Variants in CCDC7 observed in about 807,000 individuals in gnomAD.
CCDC7 encodes the protein coiled-coil domain-containing protein 7.
Under a neutral mutation model 196.9 loss-of-function variants are expected in CCDC7, and 183 were observed. That is an observed-to-expected ratio of 0.93 (90% confidence interval 0.82 to 1.05). The LOEUF (loss-of-function observed/expected upper bound fraction) is 1.05, where lower values mean the gene tolerates loss of function less well. CCDC7 is among the 50% of genes least tolerant of loss of function. The pLI is 0.00. For missense variants in CCDC7, 1,540 were observed against 1,482.2 expected (o/e 1.04, Z -0.64); for synonymous variants, 525 against 484.6 (o/e 1.08, Z -1.10).
At chr10:32,774,780 G>A (rs1375300649) in intron 28 of CCDC7, among the ~76,000 whole-genome samples, 9 of 152,118 alleles carry the variant, frequency 5.9e-5, no homozygotes, top group Non-Finnish European at 2.9e-5. Context: ...TCTCATGCTG[G>A]TTGGATTATT....
intron 25 of CCDC7, among the ~76,000 whole-genome samples, chr10:32,713,180 C>G (rs960903899): frequency 1.3e-5 from 2 of 152,142 alleles, no homozygotes; most frequent in African/African-American, 4.8e-5. Flanking sequence ...TTTATAGTGG[C>G]CCAAAGGGAT....
intron 29 of CCDC7, among the ~76,000 whole-genome samples, chr10:32,794,660 ATCTC>A (rs1361069592): frequency 6.6e-6 from 1 of 152,020 alleles, no homozygotes; most frequent in Non-Finnish European, 1.5e-5. Context: ...TTTGATTTGT[ATCTC>A]TCTAATATTA....
chr10:32,567,990 A>G, intron 15 of CCDC7, 99 bp downstream of exon 16: 1 of 1,163,000 alleles, frequency 8.6e-7, no homozygotes, highest in South Asian at 2.1e-5. Flanking sequence ...TTAAAAATTC[A>G]TGCCTCTGTT....
At chr10:32,751,166 A>G (rs185783176) in intron 28 of CCDC7, among the ~76,000 whole-genome samples, 44 of 151,974 alleles carry the variant, frequency 2.9e-4, no homozygotes, top group African/African-American at 1.0e-3. Flanking sequence ...TATTGTTATG[A>G]AAGCTGATAC....
intron 28 of CCDC7, among the ~76,000 whole-genome samples, chr10:32,734,315 A>G (rs1287979545): frequency 1.3e-5 from 2 of 152,206 alleles, no homozygotes; most frequent in African/African-American, 4.8e-5. Context: ...GCTGGAGGCC[A>G]TTATACTTAG....
At chr10:32,573,243 T>C (rs574207953) in intron 16 of CCDC7, among the ~76,000 whole-genome samples, 129 of 152,308 alleles carry the variant, frequency 8.5e-4, no homozygotes, top group Middle Eastern at 3.4e-3. Flanking sequence ...TTCCATGCAA[T>C]CATGGTGACG....
At chr10:32,627,003 C>A (rs1349335289) in intron 18 of CCDC7, among the ~76,000 whole-genome samples, 1 of 144,994 alleles carries the variant, frequency 6.9e-6, no homozygotes, top group African/African-American at 2.5e-5. Flanking sequence ...CAGCATTGTT[C>A]TTTTTGTTCA....
chr10:32,641,286 C>T (rs944713257), intron 20 of CCDC7, among the ~76,000 whole-genome samples: 1 of 152,236 alleles, frequency 6.6e-6, no homozygotes, highest in Non-Finnish European at 1.5e-5. Flanking sequence ...CTTTCAGATA[C>T]ACCAATCAGA....
At chr10:32,566,273 A>G (rs971357630) in intron 14 of CCDC7, among the ~76,000 whole-genome samples, 3 of 152,174 alleles carry the variant, frequency 2.0e-5, no homozygotes, top group Non-Finnish European at 4.4e-5. Context: ...GATATTTGTT[A>G]TGTCTTTCTG....
intron 18 of CCDC7, among the ~76,000 whole-genome samples, chr10:32,593,092 T>C (rs1246384702): frequency 6.6e-6 from 1 of 152,248 alleles, no homozygotes; most frequent in African/African-American, 2.4e-5. Context: ...TCAAATGGTA[T>C]TTCTAGTTCT....
intron 13 of CCDC7, among the ~76,000 whole-genome samples, chr10:32,546,980 TTCC>T (rs1175602585): frequency 2.0e-5 from 3 of 151,892 alleles, no homozygotes; most frequent in Non-Finnish European, 4.4e-5. Context: ...CATAGCACCT[TTCC>T]TCCTCCTCCT....
intron 14 of CCDC7, among the ~76,000 whole-genome samples, chr10:32,566,226 G>T (rs1033604113): frequency 1.3e-5 from 2 of 152,060 alleles, no homozygotes; most frequent in Non-Finnish European, 2.9e-5. Context: ...AGTATGAATT[G>T]ATATATTCAT....
chr10:32,640,108 G>C (rs1446654560), intron 20 of CCDC7, among the ~76,000 whole-genome samples: 6 of 152,104 alleles, frequency 3.9e-5, no homozygotes, highest in African/African-American at 1.4e-4. Context: ...TTAACTTTCT[G>C]TCTCGTCGAT....
chr10:32,569,249 C>T (rs1189938886), intron 15 of CCDC7, among the ~76,000 whole-genome samples: 1 of 152,106 alleles, frequency 6.6e-6, no homozygotes, highest in African/African-American at 2.4e-5. Flanking sequence ...AATAGTGAAA[C>T]AGGAGATATC....
intron 40 of CCDC7, among the ~76,000 whole-genome samples, chr10:32,853,957 G>A (rs1012448909): frequency 3.9e-5 from 6 of 152,208 alleles, no homozygotes; most frequent in Non-Finnish European, 8.8e-5. Flanking sequence ...TGACATTGAG[G>A]TTTGGGATAT....
At chr10:32,795,437 G>A (rs569177859) in intron 29 of CCDC7, among the ~76,000 whole-genome samples, 1 of 152,242 alleles carries the variant, frequency 6.6e-6, no homozygotes, top group South Asian at 2.1e-4. Flanking sequence ...TTCAATCTCT[G>A]TTAAATTTCT....
chr10:32,763,241 T>C (rs2077732220), intron 28 of CCDC7, among the ~76,000 whole-genome samples: 1 of 151,798 alleles, frequency 6.6e-6, no homozygotes, highest in South Asian at 2.1e-4. Flanking sequence ...AACATACAAA[T>C]GGTCAACAGG....
intron 13 of CCDC7, among the ~76,000 whole-genome samples, chr10:32,549,380 G>A (rs924963582): frequency 6.6e-6 from 1 of 152,140 alleles, no homozygotes; most frequent in Non-Finnish European, 1.5e-5. Flanking sequence ...TTACTCTGCT[G>A]ACTGTTCCTT....
chr10:32,781,712 A>G (rs1192429078), intron 29 of CCDC7, among the ~76,000 whole-genome samples: 1 of 152,216 alleles, frequency 6.6e-6, no homozygotes, highest in Non-Finnish European at 1.5e-5. Context: ...CAATGGTAAA[A>G]GATTAAAAAT....
Sources: gnomAD v4.1 joint callset for allele counts (sites outside exome capture counted in the v4.1 genomes callset) on GRCh38, gnomAD v4.1.1 for gene constraint, MANE v1.5 for transcripts, NCBI Gene and HGNC (gene_info 2026-07-23, HGNC 2026-07-21) for gene names.